Variants in CEP135 observed in about 807,000 individuals in gnomAD.
CEP135 encodes centrosomal protein 135.
CEP135 carries 142 observed loss-of-function variants against 157.3 expected under a neutral mutation model. That is an observed-to-expected ratio of 0.90 (90% CI 0.79 to 1.04). The LOEUF is 1.04. Ranked by LOEUF, CEP135 falls within the 50% of genes least tolerant of loss-of-function variation. The pLI, the probability that CEP135 is intolerant of heterozygous loss-of-function variation, is 0.00. For synonymous variants in CEP135, 396 were observed against 439.8 expected, an observed-to-expected ratio of 0.90 and a Z score of 1.25; for missense variants, 1,317 against 1,309.2, an observed-to-expected ratio of 1.01 and a Z score of -0.09.
chr4:56,007,055 G>A (rs1447039440), intron 17 of CEP135, among the ~76,000 whole-genome samples: 1 of 151,772 alleles, frequency 6.6e-6, no homozygotes, highest in Non-Finnish European at 1.5e-5. Context: ...CACCACACCT[G>A]GCTAATTTTT....
intron 17 of CEP135, among the ~76,000 whole-genome samples, chr4:56,006,050 T>C (rs949900988): frequency 1.2e-4 from 19 of 152,224 alleles, no homozygotes; most frequent in Admixed American, 5.2e-4. Flanking sequence ...GTTTATTATA[T>C]GCCTTGGGGC....
intron 22 of CEP135, among the ~76,000 whole-genome samples, chr4:56,018,831 TA>T (rs1446600050): frequency 6.6e-6 from 1 of 152,172 alleles, no homozygotes; most frequent in East Asian, 1.9e-4. Context: ...TTTTTCCCGA[TA>T]AAAATCTCAA....
intron 24 of CEP135, among the ~76,000 whole-genome samples, chr4:56,023,818 G>A (rs1042964167): frequency 2.2e-5 from 3 of 137,486 alleles, no homozygotes; most frequent in East Asian, 2.0e-4. Flanking sequence ...AATATATAAT[G>A]CATTATATAA....
At chr4:55,988,980 A>C (rs940760789) in intron 14 of CEP135, among the ~76,000 whole-genome samples, 4 of 151,782 alleles carry the variant, frequency 2.6e-5, no homozygotes, top group Non-Finnish European at 4.4e-5. Context: ...AAAAAAAAAA[A>C]CATAATAAAA....
chr4:55,952,046 A>G, intron 1 of CEP135, 40 bp from the exon 2 acceptor site: 1 of 623,490 alleles, frequency 1.6e-6, no homozygotes, highest in Non-Finnish European at 2.8e-6. Flanking sequence ...CAACAATCAT[A>G]GCTATAATAA....
At chr4:55,960,136 C>T in intron 6 of CEP135, 1 of 308,006 alleles carries the variant, frequency 3.2e-6, no homozygotes, top group Non-Finnish European at 5.9e-6. Flanking sequence ...TCTATCTCCC[C>T]AAATATAATT....
intron 10 of CEP135, among the ~76,000 whole-genome samples, chr4:55,973,461 T>G (rs959588680): frequency 3.3e-5 from 5 of 152,186 alleles, no homozygotes; most frequent in South Asian, 2.1e-4. Flanking sequence ...ATTCACTCAG[T>G]CTTCTGGCCT....
At chr4:56,004,820 A>G (rs1474934342) in intron 17 of CEP135, among the ~76,000 whole-genome samples, 1 of 151,906 alleles carries the variant, frequency 6.6e-6, no homozygotes, top group African/African-American at 2.4e-5. Context: ...TCCTGTAGGC[A>G]GTATATAGTT....
At chr4:55,959,889 AG>A in intron 6 of CEP135, 123 bp downstream of exon 6, 1 of 809,860 alleles carries the variant, frequency 1.2e-6, no homozygotes, top group Non-Finnish European at 2.1e-6. Flanking sequence ...CTTTTTCATC[AG>A]GTTTGTTAAT....
rs1367509100 is a variant in CEP135 at position 55,952,246 on chromosome 4, A to G, written c.113+3A>G. On this transcript the variant is annotated splice_donor_region_variant and intron_variant, in intron 2 of 25. Coordinates refer to ENST00000257287, the MANE Select transcript of CEP135 (RefSeq NM_025009.5). ...CCTTTGGTAGAAAAACTTTTCAGGT[A>G]AAGACAAAAATACAGTTTTCAACCT... is the stretch of plus-strand genomic sequence containing the variant. The G allele has an allele frequency of 1.3e-6, 2 of 1,553,592 alleles. No individual in the cohort carries two copies. The highest frequency in any genetic ancestry group is 1.8e-6 in the Non-Finnish European group (2 of 1,125,132).
chr4:55,965,674 C>T lies in CEP135; in HGVS notation c.859C>T (p.Leu287=), dbSNP rs1728818059. Reference sequence around the variant, plus strand: ...CTTTCTTCAGCAAGCTAATAAAGACCTGGAGAAGCGTATACGAGAGCTTAT... The same window carrying T: ...CTTTCTTCAGCAAGCTAATAAAGACTTGGAGAAGCGTATACGAGAGCTTAT... ...VDFLQQANKD[L]EKRIRELMET... is the part of the protein sequence containing the mutation. Residue 287 remains leucine (L), a synonymous_variant, in exon 8 of 26, where the codon CTG becomes TTG. Transcript: ENST00000257287. 6 of 1,611,166 alleles carry T rather than the reference C, an allele frequency of 3.7e-6. No individual in the cohort carries two copies. In the African/African-American group the frequency reaches 6.7e-5, roughly 18 times the overall value.
At chr4:56,026,032 A>C (rs1332976847) in intron 25 of CEP135, among the ~76,000 whole-genome samples, 1 of 152,120 alleles carries the variant, frequency 6.6e-6, no homozygotes, top group Admixed American at 6.5e-5. Context: ...AACATGGTGA[A>C]ACCCCGTCTC....
At chr4:56,019,629 G>A (rs1243774095) in intron 23 of CEP135, 74 bp downstream of exon 23, 13 of 1,268,866 alleles carry the variant, frequency 1.0e-5, no homozygotes, top group Non-Finnish European at 1.4e-5. Flanking sequence ...TTGAAGTGGA[G>A]GAAAGGTTAA....
chr4:55,980,278 A>G lies in CEP135; in HGVS notation c.1609A>G (p.Ser537Gly). The part of the protein sequence containing the change: ...KLLTAERDKL[S>G]VLYNEAQEEL... ...ATTGACAGCAGAAAGAGATAAACTA[A>G]GTGTCTTATATAATGAAGTAAGAAA... Residue 537 changes from serine to glycine, a missense_variant, in exon 12 of 26, where the codon AGT becomes GGT. Transcript: ENST00000257287. 6.6e-7 allele frequency: 1 copy of G among 1,523,566 alleles called. No individual in the cohort carries two copies. The highest frequency in any genetic ancestry group is 1.4e-5 in the African/African-American group (1 of 72,600). 94.4% of individuals were successfully genotyped at this position (1,523,566 alleles called of 1,614,324 possible).
At chr4:56,010,185 C>T (rs945603171) in intron 19 of CEP135, among the ~76,000 whole-genome samples, 11 of 111,844 alleles carry the variant, frequency 9.8e-5, no homozygotes, top group African/African-American at 2.5e-4. Context: ...ACCCCCCCCC[C>T]ACCCCCATCT....
At chr4:55,975,643 G>A (rs1169634938) in intron 11 of CEP135, among the ~76,000 whole-genome samples, 2 of 152,136 alleles carry the variant, frequency 1.3e-5, no homozygotes, top group African/African-American at 2.4e-5. Flanking sequence ...TGTTTTATGA[G>A]TATCATTTGA....
intron 17 of CEP135, among the ~76,000 whole-genome samples, chr4:56,003,834 C>T (rs1730261545): frequency 6.6e-6 from 1 of 151,924 alleles, no homozygotes; most frequent in Non-Finnish European, 1.5e-5. Context: ...AATCCTCCTA[C>T]CTCAGCCTCC....
chr4:55,969,422 C>CGGG (rs1728948195), intron 9 of CEP135, among the ~76,000 whole-genome samples: 1 of 130,318 alleles, frequency 7.7e-6, no homozygotes, highest in Non-Finnish European at 1.6e-5. Flanking sequence ...AGCGAAACTC[C>CGGG]ATCTTTAAAA....
chr4:55,949,633 A>G (rs1314277748), intron 1 of CEP135, among the ~76,000 whole-genome samples: 2 of 152,222 alleles, frequency 1.3e-5, no homozygotes, highest in Non-Finnish European at 2.9e-5. Flanking sequence ...TACATACAGC[A>G]TTAAATGTAC....
Sources: allele counts gnomAD v4.1 joint callset (sites outside exome capture counted in the v4.1 genomes callset), GRCh38; gene constraint gnomAD v4.1.1; transcripts MANE v1.5; gene names NCBI Gene and HGNC (gene_info 2026-07-23, HGNC 2026-07-21).